Variants in SCNN1B observed in about 807,000 individuals in gnomAD.
SCNN1B encodes sodium channel epithelial 1 subunit beta.
SCNN1B carries 46 observed loss-of-function variants against 65.3 expected under a neutral mutation model. That is an observed-to-expected ratio of 0.70 (90% CI 0.56 to 0.90). SCNN1B has a LOEUF of 0.90. Among genes scored for constraint, SCNN1B ranks in the 40% least tolerant of loss-of-function variants. SCNN1B has a pLI of 0.00. For missense variants in SCNN1B, 751 were observed against 830.5 expected (o/e 0.90, Z 1.18); for synonymous variants, 349 against 330.6 (o/e 1.06, Z -0.60).
At chr16:23,377,448 A>G (rs1192055088) in intron 10 of SCNN1B, 62 bp downstream of exon 10, 1 of 1,533,624 alleles carries the variant, frequency 6.5e-7, no homozygotes, top group Non-Finnish European at 9.0e-7. Context: ...GTCTGGGCAT[A>G]AGATGTGGGC....
In SCNN1B at chr16:23,373,583, C is replaced by T. The variant is rs74012896; in HGVS notation, c.1152+1700C>T. ...TGCAAAGGTGACAAAAATGACCACT[C>T]GCTGATACTTCCTCTCCAGCCCAGT... On this transcript the variant is annotated intron_variant, in intron 7 of 12. Coordinates refer to ENST00000343070, the MANE Select transcript of SCNN1B (RefSeq NM_000336.3). Among the ~76,000 whole-genome samples, 343 of 152,262 alleles carry T rather than the reference C, an allele frequency of 2.3e-3. 3 individuals carry two copies. The highest frequency in any genetic ancestry group is 7.7e-3 in the African/African-American group (321 of 41,552).
chr16:23,339,864 G>A (rs1962019895), intron 1 of SCNN1B, among the ~76,000 whole-genome samples: 1 of 152,012 alleles, frequency 6.6e-6, no homozygotes. Context: ...ACCGCGCCTG[G>A]CAACTTTACA....
intron 4 of SCNN1B, among the ~76,000 whole-genome samples, chr16:23,361,132 G>A (rs1488350463): frequency 6.6e-6 from 1 of 152,014 alleles, no homozygotes; most frequent in Non-Finnish European, 1.5e-5. Context: ...GTTTCACCAT[G>A]TTTGCCAGGC....
chr16:23,288,361 T>G (rs189071049), intron 2 of SCNN1B, among the ~76,000 whole-genome samples: 1 of 152,336 alleles, frequency 6.6e-6, no homozygotes, highest in African/African-American at 2.4e-5. Flanking sequence ...CCCTAGTGTA[T>G]TAGCTGACTA....
intron 4 of SCNN1B, among the ~76,000 whole-genome samples, chr16:23,357,870 A>ATAT (rs1465997798): frequency 6.6e-6 from 1 of 152,230 alleles, no homozygotes; most frequent in Non-Finnish European, 1.5e-5. Context: ...ACCTGCCATA[A>ATAT]GGCTAGGGAT....
chr16:23,325,773 C>A (rs1273920756), intron 1 of SCNN1B, among the ~76,000 whole-genome samples: 1 of 152,004 alleles, frequency 6.6e-6, no homozygotes. Context: ...AGGAAGGAGG[C>A]TGGACATGGA....
chr16:23,324,703 C>A (rs1471515644), intron 1 of SCNN1B, among the ~76,000 whole-genome samples: 2 of 152,152 alleles, frequency 1.3e-5, no homozygotes, highest in Admixed American at 1.3e-4. Flanking sequence ...CCCCACCCCA[C>A]ACACACACGC....
rs774397853 is a variant in SCNN1B, at chr16:23,375,724, C to T, written c.1153-14C>T. On this transcript the variant is annotated splice_polypyrimidine_tract_variant and intron_variant, in intron 7 of 12. Transcript: ENST00000343070. ...GCCTGTGTTCTCTCCTTATGAACCC[C>T]CTACCCTCCCCAGGCCTGTCTTCGC... 1.5e-5 allele frequency: 24 copies of T among 1,586,904 alleles called. No individual in the cohort carries two copies. Among genetic ancestry groups the T allele is most frequent in the East Asian group, 2.2e-5 (1 of 44,752 alleles).
At chr16:23,334,500 C>A (rs75255325) in intron 1 of SCNN1B, among the ~76,000 whole-genome samples, 1 of 152,118 alleles carries the variant, frequency 6.6e-6, no homozygotes, top group African/African-American at 2.4e-5. Flanking sequence ...GTGCTCCAGC[C>A]GCCCACAGGT....
At chr16:23,303,958 T>C in intron 1 of SCNN1B, 2 of 847,888 alleles carry the variant, frequency 2.4e-6, no homozygotes, top group Non-Finnish European at 3.9e-6. Flanking sequence ...ACAACCCACC[T>C]ATGTCATTCT....
chr16:23,371,958 G>A, intron 7 of SCNN1B, 75 bp downstream of exon 7: 1 of 1,104,494 alleles, frequency 9.1e-7, no homozygotes, highest in Non-Finnish European at 1.4e-6. Flanking sequence ...AGTACTCCGG[G>A]AGAGCTGGCC....
intron 1 of SCNN1B, among the ~76,000 whole-genome samples, chr16:23,319,377 C>T (rs1201704263): frequency 6.6e-6 from 1 of 152,138 alleles, no homozygotes; most frequent in African/African-American, 2.4e-5. Flanking sequence ...CAATTAATTC[C>T]TCCAGCCTGG....
At chr16:23,322,377 T>C (rs1412917692) in intron 1 of SCNN1B, among the ~76,000 whole-genome samples, 1 of 152,202 alleles carries the variant, frequency 6.6e-6, no homozygotes, top group East Asian at 1.9e-4. Context: ...CACGGGTCAC[T>C]GCAGCCTCGA....
chr16:23,376,084 TA>T (rs1962888742), intron 8 of SCNN1B, among the ~76,000 whole-genome samples: 1 of 152,214 alleles, frequency 6.6e-6, no homozygotes, highest in South Asian at 2.1e-4. Flanking sequence ...TTGAAACACA[TA>T]GGCATAGAAT....
At chr16:23,313,360 G>A (rs988469705) in intron 1 of SCNN1B, among the ~76,000 whole-genome samples, 21 of 152,158 alleles carry the variant, frequency 1.4e-4, no homozygotes, top group African/African-American at 4.8e-4. Context: ...CTGTATTCTT[G>A]TTGGATCTTA....
At chr16:23,332,343 C>T (rs1390134146) in intron 1 of SCNN1B, among the ~76,000 whole-genome samples, 1 of 151,898 alleles carries the variant, frequency 6.6e-6, no homozygotes, top group Non-Finnish European at 1.5e-5. Context: ...TTACAGGCGC[C>T]CACCACCATG....
intron 1 of SCNN1B, among the ~76,000 whole-genome samples, chr16:23,333,275 A>G (rs961432814): frequency 1.4e-4 from 21 of 152,340 alleles, no homozygotes; most frequent in African/African-American, 5.1e-4. Flanking sequence ...GGCTAGGTTT[A>G]GGTGCAGCTG....
At chr16:23,379,547 G>A (rs1224255211) in intron 11 of SCNN1B, among the ~76,000 whole-genome samples, 1 of 152,148 alleles carries the variant, frequency 6.6e-6, no homozygotes, top group African/African-American at 2.4e-5. Flanking sequence ...AAAGCCTGGA[G>A]GCACGAGACA....
chr16:23,344,056 A>G (rs1962135336), intron 1 of SCNN1B, among the ~76,000 whole-genome samples: 2 of 152,358 alleles, frequency 1.3e-5, no homozygotes, highest in South Asian at 4.1e-4. Context: ...TTATTTGCCT[A>G]CCATTGTAAC....
Sources: gnomAD v4.1 joint callset for allele counts (sites outside exome capture counted in the v4.1 genomes callset) on GRCh38, gnomAD v4.1.1 for gene constraint, MANE v1.5 for transcripts, NCBI Gene and HGNC (gene_info 2026-07-23, HGNC 2026-07-21) for gene names.